Variants in PXK observed in about 807,000 individuals in gnomAD.
PXK encodes PX domain containing serine/threonine kinase like.
PXK carries 35 observed loss-of-function variants against 84.7 expected under a neutral mutation model. The observed-to-expected ratio is 0.41, with a 90% CI of 0.32 to 0.55. PXK has a LOEUF of 0.55. Ranked by LOEUF, PXK falls within the 20% of genes least tolerant of loss-of-function variation. The pLI, the probability that PXK is intolerant of heterozygous loss-of-function variation, is 0.21. For synonymous variants in PXK, 253 were observed against 260.8 expected, an observed-to-expected ratio of 0.97 and a Z score of 0.29; for missense variants, 634 against 699.7, an observed-to-expected ratio of 0.91 and a Z score of 1.06.
intron 3 of PXK, among the ~76,000 whole-genome samples, chr3:58,376,795 A>G (rs1576268264): frequency 6.6e-6 from 1 of 151,984 alleles, no homozygotes; most frequent in Admixed American, 6.6e-5. Flanking sequence ...GTGTACCACC[A>G]TGCCTGACTA....
intron 1 of PXK, among the ~76,000 whole-genome samples, chr3:58,354,699 C>T (rs941468054): frequency 7.2e-5 from 11 of 151,968 alleles, no homozygotes; most frequent in Admixed American, 3.9e-4. Flanking sequence ...TCGCCCACCT[C>T]GGCCTCCCAA....
chr3:58,372,433 C>T (rs974119778), intron 3 of PXK, among the ~76,000 whole-genome samples: 1 of 152,028 alleles, frequency 6.6e-6, no homozygotes, highest in Non-Finnish European at 1.5e-5. Flanking sequence ...CCTCATTCTC[C>T]TGCCTCAGCC....
At position 58,401,530 on chromosome 3, in the gene PXK, GT is replaced by G. The variant is rs2058557590; in HGVS notation, c.1181+2154del. Among the ~76,000 whole-genome samples the G allele has an allele frequency of 6.6e-6, 1 of 152,298 alleles. No homozygotes were observed. Among genetic ancestry groups the G allele is most frequent in the African/African-American group, 2.4e-5 (1 of 41,548 alleles). The stretch of plus-strand genomic sequence containing the variant: ...AATCCCAGCTACTTGGAAGGCTGAG[GT>G]GGTAGAATCGCTTGAGCCTAGGAAT... On this transcript the variant is annotated intron_variant, in intron 12 of 17. Transcript: ENST00000356151. The surrounding 1 kb of genome is among the most constrained non-coding windows in gnomAD (Gnocchi z 4.4).
At chr3:58,394,110 CAGG>C (rs2098657780) in intron 7 of PXK, among the ~76,000 whole-genome samples, 1 of 152,176 alleles carries the variant, frequency 6.6e-6, no homozygotes, top group Non-Finnish European at 1.5e-5. Context: ...ATGTGATGAT[CAGG>C]AGAACTTCAT....
chr3:58,414,258 A>G lies in PXK; in HGVS notation c.1528+1295A>G, dbSNP rs1406887606. 2 of 152,166 alleles carry G rather than the reference A, an allele frequency of 1.3e-5. No homozygotes were observed. Among genetic ancestry groups the G allele is most frequent in the African/African-American group, 4.8e-5 (2 of 41,436 alleles). The allele number at this position is 152,166 out of a possible 1,614,324, so 9.4% of individuals were successfully genotyped here. ...CACTTGGGCATATTAAGAAAATTGG[A>G]GAAAATTAGTAGTGAGAATCCAGAA... On this transcript the variant is annotated intron_variant, in intron 17 of 17. Coordinates refer to ENST00000356151, the MANE Select transcript of PXK (RefSeq NM_017771.5). This position sits in a 1 kb window ranked among gnomAD's most constrained non-coding sequence, Gnocchi z 4.5.
chr3:58,406,740 C>T (rs2059472574), intron 13 of PXK, among the ~76,000 whole-genome samples: 1 of 152,188 alleles, frequency 6.6e-6, no homozygotes. Flanking sequence ...TTCTCCCTCC[C>T]CACAGCTCCG....
At chr3:58,413,097 G>A in intron 17 of PXK, 134 bp downstream of exon 17, 2 of 912,904 alleles carry the variant, frequency 2.2e-6, no homozygotes, top group East Asian at 2.4e-5. Flanking sequence ...ATCAGTGGGA[G>A]TGCAAATTAG....
At position 58,397,507 on chromosome 3, in the gene PXK, C is replaced by A; in HGVS notation, c.985-98C>A. ...CGTTACCAATTAGGAACGGGGCTAT[C>A]CCTGGGCTTTGTTTCTCAGAGAAGC... On this transcript the variant is annotated intron_variant, in intron 10 of 17. Transcript: ENST00000356151. The surrounding 1 kb of genome is among the most constrained non-coding windows in gnomAD (Gnocchi z 4.7). 2 of 1,052,666 alleles carry A rather than the reference C, an allele frequency of 1.9e-6. No homozygotes were observed. The highest frequency in any genetic ancestry group is 3.0e-6 in the Non-Finnish European group (2 of 677,486). The allele number at this position is 1,052,666 out of a possible 1,614,324, so 65.2% of individuals were successfully genotyped here.
Position 58,332,933 on chromosome 3 carries a change from C to A in PXK, c.-56C>A. 1 of 1,149,664 alleles carries A rather than the reference C, an allele frequency of 8.7e-7. No individual in the cohort carries two copies. The highest frequency in any genetic ancestry group is 3.5e-5 in the Admixed American group (1 of 28,608). The allele number at this position is 1,149,664 out of a possible 1,614,324, so 71.2% of individuals were successfully genotyped here. ...GTGGAACCGGGCGGGCGGCGGGAGT[C>A]GGCGCCTCGGGTTCCTACCTCGCGT... On this transcript the variant is annotated 5_prime_UTR_variant, in exon 1 of 18. Transcript: ENST00000356151. The surrounding 1 kb of genome is among the most constrained non-coding windows in gnomAD (Gnocchi z 5.6).
At position 58,388,049 on chromosome 3, in the gene PXK, A is replaced by G. The variant is rs532779257; in HGVS notation, c.389-2533A>G. ...TTGGGCAAGGAAGTGGGGAACCAGTAAAGGCTTCTAAGCAAAGGAGTAGAT... is the reference window on the plus strand; with the variant it reads ...TTGGGCAAGGAAGTGGGGAACCAGTGAAGGCTTCTAAGCAAAGGAGTAGAT... On this transcript the variant is annotated intron_variant, in intron 4 of 17. Coordinates refer to ENST00000356151, the MANE Select transcript of PXK (RefSeq NM_017771.5). 7.2e-5 allele frequency among the ~76,000 whole-genome samples: 11 copies of G among 152,344 alleles called. No homozygotes were observed. In the South Asian group the frequency reaches 2.3e-3, roughly 32 times the overall value.
At chr3:58,354,098 C>T (rs1458647072) in intron 1 of PXK, among the ~76,000 whole-genome samples, 1 of 152,178 alleles carries the variant, frequency 6.6e-6, no homozygotes, top group East Asian at 1.9e-4. Context: ...AACAGGCCTG[C>T]CTCCTCTCCC....
At chr3:58,372,367 G>C (rs893181011) in intron 3 of PXK, among the ~76,000 whole-genome samples, 1 of 151,578 alleles carries the variant, frequency 6.6e-6, no homozygotes, top group African/African-American at 2.4e-5. Flanking sequence ...CTGTCGCCCA[G>C]GCTGGAGTGC....
intron 1 of PXK, among the ~76,000 whole-genome samples, chr3:58,358,391 G>A (rs950075936): frequency 1.3e-5 from 2 of 152,206 alleles, no homozygotes; most frequent in African/African-American, 4.8e-5. Flanking sequence ...AATGGGTATG[G>A]GTGGTGCCTT....
chr3:58,412,873 A>G lies in PXK; in HGVS notation c.1466-28A>G, dbSNP rs781316714. 6.2e-7 allele frequency: 1 copy of G among 1,613,430 alleles called. No individual in the cohort carries two copies. The highest frequency in any genetic ancestry group is 2.2e-5 in the East Asian group (1 of 44,874). ...TTCCAAATGTCTTTCGTTGGTCCCC[A>G]TGAGGGTTTCTCTGTGTTTTATCTT... On this transcript the variant is annotated intron_variant, in intron 16 of 17. Coordinates refer to ENST00000356151, the MANE Select transcript of PXK (RefSeq NM_017771.5). This position sits in a 1 kb window ranked among gnomAD's most constrained non-coding sequence, Gnocchi z 6.2.
chr3:58,422,659 T>C, intron 17 of PXK: 2 of 985,392 alleles, frequency 2.0e-6, no homozygotes, highest in Non-Finnish European at 2.4e-6. Context: ...TTTGAGGGCC[T>C]GGTAATGACG....
rs2062756673 is a variant in PXK at position 58,425,960 on chromosome 3, T to C, written c.*1000T>C. 1 of 152,236 alleles carries C rather than the reference T, an allele frequency of 6.6e-6. No homozygotes were observed. The allele number at this position is 152,236 out of a possible 1,614,324, so 9.4% of individuals were successfully genotyped here. A position where few individuals can be genotyped will look rare whatever the true frequency, so the allele number is the denominator to read the frequency against. ...TTGGTTACTATGCAGAGAATGTCAT[T>C]GTGTATAGTTTCATGTAATCTGTTA... On this transcript the variant is annotated 3_prime_UTR_variant, in exon 18 of 18. Transcript: ENST00000356151.
chr3:58,337,973 A>T (rs2097653337), intron 1 of PXK, among the ~76,000 whole-genome samples: 1 of 152,374 alleles, frequency 6.6e-6, no homozygotes, highest in East Asian at 1.9e-4. Context: ...TCTAGTACTC[A>T]GTATCAGAAT....
In PXK at chr3:58,412,160, T is replaced by C. The variant is rs2060298968; in HGVS notation, c.1466-741T>C. 2.0e-5 allele frequency among the ~76,000 whole-genome samples: 3 copies of C among 152,082 alleles called. No individual in the cohort carries two copies. In the South Asian group the frequency reaches 6.2e-4, roughly 31 times the overall value. Reference sequence around the variant, plus strand: ...TCTATGTGTGGGAGGGGGGTTTCTGTGTCCACAGAAAGGCTTACGTAGGAA... The same window carrying C: ...TCTATGTGTGGGAGGGGGGTTTCTGCGTCCACAGAAAGGCTTACGTAGGAA... On this transcript the variant is annotated intron_variant, in intron 16 of 17. Transcript: ENST00000356151. This position sits in a 1 kb window ranked among gnomAD's most constrained non-coding sequence, Gnocchi z 6.2.
In PXK at chr3:58,385,164, A is replaced by G. The variant is rs575674279; in HGVS notation, c.388+2464A>G. ...CAGGCCTCCAGCATGGTAGAGAGTCAGGAGTCCAAAGCAGATGTGGGCAGG... is the reference window on the plus strand; with the variant it reads ...CAGGCCTCCAGCATGGTAGAGAGTCGGGAGTCCAAAGCAGATGTGGGCAGG... On this transcript the variant is annotated intron_variant, in intron 4 of 17. Coordinates refer to ENST00000356151, the MANE Select transcript of PXK (RefSeq NM_017771.5). The surrounding 1 kb of genome is among the most constrained non-coding windows in gnomAD (Gnocchi z 5.1). 6.6e-6 allele frequency among the ~76,000 whole-genome samples: 1 copy of G among 152,274 alleles called. No individual in the cohort carries two copies. The highest frequency in any genetic ancestry group is 2.1e-4 in the South Asian group (1 of 4,812).
Sources: gnomAD v4.1 joint callset for allele counts (sites outside exome capture counted in the v4.1 genomes callset) on GRCh38, gnomAD v4.1.1 for gene constraint, Gnocchi (gnomAD v3.1) non-coding constraint, MANE v1.5 for transcripts, NCBI Gene and HGNC (gene_info 2026-07-23, HGNC 2026-07-21) for gene names.